ZNF69: variants seen among roughly 807,000 people sequenced by gnomAD.
ZNF69 encodes the protein ZNF3.
ZNF69 carries 47 observed loss-of-function variants against 50.9 expected under a neutral mutation model. The ratio of observed to expected loss-of-function variants is 0.92; its 90% CI spans 0.73 to 1.18. The LOEUF is 1.18. ZNF69 is among the 50% of genes most tolerant of loss of function. The probability of loss-of-function intolerance (pLI) is 0.00; values close to 1 mark genes in which losing one functional copy is unlikely to be tolerated. For missense variants in ZNF69, 717 were observed against 675.1 expected, an observed-to-expected ratio of 1.06 and a Z score of -0.69; for synonymous variants, 216 against 223.1, an observed-to-expected ratio of 0.97 and a Z score of 0.29.
intron 1 of ZNF69, among the ~76,000 whole-genome samples, chr19:11,888,345 C>T (rs1393763512): frequency 6.6e-6 from 1 of 152,208 alleles, no homozygotes; most frequent in Non-Finnish European, 1.5e-5. Flanking sequence ...GTCTGTGGGG[C>T]CCCCAGTGTC....
intron 1 of ZNF69, among the ~76,000 whole-genome samples, chr19:11,902,146 G>A (rs773413146): frequency 7.9e-5 from 12 of 151,616 alleles, no homozygotes; most frequent in Admixed American, 2.0e-4. Context: ...CCATGCCCGG[G>A]TAATTTTGTA....
chr19:11,978,857 C>T, the ZNF69 span: 1 of 1,614,140 alleles, frequency 6.2e-7, no homozygotes, highest in Non-Finnish European at 8.5e-7. Flanking sequence ...GGGAGAAGCC[C>T]TGTGAATGTA....
the ZNF69 span, among the ~76,000 whole-genome samples, chr19:11,925,888 G>A: frequency 6.6e-6 from 1 of 152,194 alleles, no homozygotes; most frequent in Non-Finnish European, 1.5e-5. Context: ...GCTCAAGACA[G>A]TTTGGTTTTA....
chr19:11,953,298 A>G, the ZNF69 span: 1 of 152,282 alleles, frequency 6.6e-6, no homozygotes, highest in African/African-American at 2.4e-5. Context: ...GATGAACAGG[A>G]CACACTGGAG....
intron 1 of ZNF69, among the ~76,000 whole-genome samples, chr19:11,890,699 A>C (rs988742527): frequency 6.6e-6 from 1 of 152,072 alleles, no homozygotes; most frequent in African/African-American, 2.4e-5. Flanking sequence ...ACCTCAAGTT[A>C]CCTACCTGCC....
downstream of ZNF69, among the ~76,000 whole-genome samples, chr19:11,914,551 A>T (rs1972504691): frequency 6.6e-6 from 1 of 152,352 alleles, no homozygotes; most frequent in East Asian, 1.9e-4. Flanking sequence ...AATTGTCTAA[A>T]TACAAGCCTG....
the ZNF69 span, among the ~76,000 whole-genome samples, chr19:11,958,926 A>G: frequency 6.6e-6 from 1 of 152,232 alleles, no homozygotes; most frequent in Non-Finnish European, 1.5e-5. Context: ...TCTGTCGCCC[A>G]GGCTAGAGTG....
Position 11,906,245 on chromosome 19 carries a change from T to C in ZNF69, c.*147T>C, listed in dbSNP as rs1568280975. 1.3e-6 allele frequency: 2 copies of C among 1,504,942 alleles called. No homozygotes were observed. Among genetic ancestry groups the C allele is most frequent in the Non-Finnish European group, 1.8e-6 (2 of 1,135,228 alleles). 93.2% of individuals were successfully genotyped at this position (1,504,942 alleles called of 1,614,324 possible). A position where few individuals can be genotyped will look rare whatever the true frequency, so the allele number is the denominator to read the frequency against. ...TAAAGGACACAAGCACACATAAGAA[T>C]GCATTCTGGATAGCTGAACAAAAGG... On this transcript the variant is annotated 3_prime_UTR_variant, in exon 4 of 4. Transcript: ENST00000429654.
chr19:11,961,124 T>G, the ZNF69 span, among the ~76,000 whole-genome samples: 1 of 151,960 alleles, frequency 6.6e-6, no homozygotes, highest in African/African-American at 2.4e-5. Flanking sequence ...AAAACAAAAT[T>G]TATATGTACA....
the ZNF69 span, chr19:11,949,965 C>G: frequency 1.2e-6 from 2 of 1,613,976 alleles, no homozygotes; most frequent in African/African-American, 2.7e-5. Context: ...GAGAGAAACC[C>G]TATGAATGTA....
rs2145233318 is a variant in ZNF69 at position 11,902,707 on chromosome 19, C to G, written c.64-866C>G. Among the ~76,000 whole-genome samples, 5 of 151,406 alleles carry G rather than the reference C, an allele frequency of 3.3e-5. No individual in the cohort carries two copies. The South Asian group carries it at 1.0e-3, about 32-fold the overall frequency. On this transcript the variant is annotated intron_variant, in intron 1 of 3. Coordinates refer to ENST00000429654, the MANE Select transcript of ZNF69 (RefSeq NM_001364730.1). ...CAGGGGCTCCCCCTCCTGCTCTTTGCTACCTACATGCTTCCTCTGACAATA... is the reference window on the plus strand; with the variant it reads ...CAGGGGCTCCCCCTCCTGCTCTTTGGTACCTACATGCTTCCTCTGACAATA...
At chr19:11,902,083 A>G (rs1370456806) in intron 1 of ZNF69, among the ~76,000 whole-genome samples, 1 of 150,984 alleles carries the variant, frequency 6.6e-6, no homozygotes, top group Non-Finnish European at 1.5e-5. Context: ...CCCGGGTTCA[A>G]GCAATTCTCC....
the ZNF69 span, chr19:11,947,503 CTG>C: frequency 2.5e-6 from 4 of 1,611,496 alleles, no homozygotes; most frequent in Non-Finnish European, 3.4e-6. Flanking sequence ...TTTTCTGTGT[CTG>C]TATTTTAGGA....
chr19:11,901,028 G>T (rs1177476039), intron 1 of ZNF69, among the ~76,000 whole-genome samples: 1 of 152,094 alleles, frequency 6.6e-6, no homozygotes, highest in Non-Finnish European at 1.5e-5. Context: ...TCATTTCTTT[G>T]CATTTGCTAA....
At chr19:11,967,199 G>T in the ZNF69 span, among the ~76,000 whole-genome samples, 1 of 152,108 alleles carries the variant, frequency 6.6e-6, no homozygotes, top group African/African-American at 2.4e-5. Flanking sequence ...AACTGGGTGT[G>T]GTGGCCTGTG....
chr19:11,946,688 T>C, the ZNF69 span: 1 of 152,568 alleles, frequency 6.6e-6, no homozygotes, highest in African/African-American at 2.4e-5. Flanking sequence ...TCACACAAAG[T>C]TCTAAGTTTT....
Position 11,887,847 on chromosome 19 carries a change from G to T in ZNF69, c.-77G>T, listed in dbSNP as rs1043700227. 3.6e-5 allele frequency: 50 copies of T among 1,387,056 alleles called. 1 individual carries two copies. The Middle Eastern group carries it at 1.8e-3, about 50-fold the overall frequency. 85.9% of individuals were successfully genotyped at this position (1,387,056 alleles called of 1,614,324 possible). On this transcript the variant is annotated 5_prime_UTR_variant, in exon 1 of 4. Coordinates refer to ENST00000429654, the MANE Select transcript of ZNF69 (RefSeq NM_001364730.1). ...CACCTTTGTCCCTGCGCGGGCTGCGGCTGGGATCCGGTCTTTCCAGCCCCG... is the reference window on the plus strand; with the variant it reads ...CACCTTTGTCCCTGCGCGGGCTGCGTCTGGGATCCGGTCTTTCCAGCCCCG...
chr19:11,949,538 A>C, the ZNF69 span: 1 of 1,611,452 alleles, frequency 6.2e-7, no homozygotes, highest in Non-Finnish European at 8.5e-7. Flanking sequence ...CCCTCTGGAG[A>C]AAGACCTTAT....
chr19:11,925,144 C>T, the ZNF69 span: 44 of 1,584,844 alleles, frequency 2.8e-5, no homozygotes, highest in African/African-American at 4.1e-4. Flanking sequence ...GGTTGGTAAC[C>T]GGTCAGACCA....
Sources: allele counts gnomAD v4.1 joint callset (sites outside exome capture counted in the v4.1 genomes callset), GRCh38; gene constraint gnomAD v4.1.1; transcripts MANE v1.5; gene names NCBI Gene and HGNC (gene_info 2026-07-23, HGNC 2026-07-21).